The following KALRN variants were observed in gnomAD, a reference collection of about 807,000 sequenced individuals.
KALRN encodes the protein kalirin.
In KALRN, 70 loss-of-function variants were observed where a neutral mutation model predicts 353.7. The observed-to-expected ratio is 0.20, with a 90% CI of 0.16 to 0.24. The LOEUF (loss-of-function observed/expected upper bound fraction) is 0.24. Ranked by LOEUF, KALRN falls within the 10% of genes least tolerant of loss-of-function variation. The pLI is 1.00. For synonymous variants in KALRN, 1,391 were observed against 1,434.8 expected (o/e 0.97, Z 0.69); for missense variants, 2,791 against 3,756.7 (o/e 0.74, Z 6.72).
chr3:124,504,893 G>T, intron 33 of KALRN: 1 of 503,264 alleles, frequency 2.0e-6, no homozygotes, highest in Admixed American at 2.1e-5. Context: ...AAATCTGAGA[G>T]CAAGCCAAGA....
intron 10 of KALRN, among the ~76,000 whole-genome samples, chr3:124,367,546 TG>T (rs1213949640): frequency 2.5e-5 from 2 of 79,714 alleles, no homozygotes; most frequent in Non-Finnish European, 4.9e-5. Context: ...ACGGGGCGGC[TG>T]GCCGGGCAGA....
chr3:124,682,578 C>T (rs1051708836), intron 51 of KALRN, among the ~76,000 whole-genome samples: 6 of 152,184 alleles, frequency 3.9e-5, no homozygotes, highest in African/African-American at 7.2e-5. Context: ...GTCACCAAAA[C>T]ATTCTTTACT....
chr3:124,335,085 A>G (rs2080996473), intron 9 of KALRN, among the ~76,000 whole-genome samples: 1 of 152,126 alleles, frequency 6.6e-6, no homozygotes, highest in Non-Finnish European at 1.5e-5. Flanking sequence ...GATTAGGGCC[A>G]ATATGGCACA....
intron 8 of KALRN, among the ~76,000 whole-genome samples, chr3:124,331,148 T>C (rs980330709): frequency 1.3e-5 from 2 of 152,204 alleles, no homozygotes; most frequent in Non-Finnish European, 2.9e-5. Context: ...TAGGATAGTG[T>C]TGAGGTTATA....
chr3:124,261,249 T>C (rs1273772574), intron 3 of KALRN, among the ~76,000 whole-genome samples: 1 of 152,140 alleles, frequency 6.6e-6, no homozygotes, highest in African/African-American at 2.4e-5. Context: ...AGTTATGTGA[T>C]CTTAGGCAAA....
chr3:124,553,015 C>T (rs1312158202), intron 33 of KALRN, among the ~76,000 whole-genome samples: 1 of 152,208 alleles, frequency 6.6e-6, no homozygotes, highest in African/African-American at 2.4e-5. Context: ...ATCTGCCTAC[C>T]TCGGCCTCCT....
At chr3:124,230,132 A>G (rs903864279) in intron 2 of KALRN, among the ~76,000 whole-genome samples, 3 of 152,222 alleles carry the variant, frequency 2.0e-5, no homozygotes, top group Admixed American at 2.0e-4. Flanking sequence ...TGGGCTCCCA[A>G]GGATGTGGCC....
At chr3:124,243,694 A>T (rs1014777594) in intron 3 of KALRN, among the ~76,000 whole-genome samples, 1 of 152,204 alleles carries the variant, frequency 6.6e-6, no homozygotes, top group Non-Finnish European at 1.5e-5. Flanking sequence ...GTCCAGGAAG[A>T]ATGAACCCCA....
chr3:124,285,589 G>A (rs1416451597), intron 5 of KALRN, among the ~76,000 whole-genome samples: 1 of 152,188 alleles, frequency 6.6e-6, no homozygotes, highest in Admixed American at 6.5e-5. Flanking sequence ...AGGCTGGAGT[G>A]CAGTGGCATG....
At chr3:124,221,797 G>T (rs1004839115) in intron 1 of KALRN, among the ~76,000 whole-genome samples, 3 of 152,298 alleles carry the variant, frequency 2.0e-5, no homozygotes, top group African/African-American at 4.8e-5. Flanking sequence ...GTCTTCACTG[G>T]TTTTTTATCC....
chr3:124,059,543 A>G (rs1203989753), intron 1 of KALRN, among the ~76,000 whole-genome samples: 1 of 152,134 alleles, frequency 6.6e-6, no homozygotes, highest in Non-Finnish European at 1.5e-5. Flanking sequence ...TTTGACCAAC[A>G]TTTCCTTCTC....
Position 124,699,975 on chromosome 3 carries a change from C to G in KALRN, c.7938C>G (p.Asn2646Lys). 2 of 1,614,138 alleles carry G rather than the reference C, an allele frequency of 1.2e-6. No homozygotes were observed. Among genetic ancestry groups the G allele is most frequent in the Non-Finnish European group, 8.5e-7 (1 of 1,180,016 alleles). The change falls in exon 56 of 60, where the codon AAC becomes AAG. Residue 2646 changes from asparagine (N) to lysine (K), a missense_variant. Transcript: ENST00000682506. Reference sequence around the variant, plus strand: ...ATCAGTTCAGAGTCAGTGCCAGTAACCCCTGGGGAATCAGCCTTCCCAGCG... The same window carrying G: ...ATCAGTTCAGAGTCAGTGCCAGTAAGCCCTGGGGAATCAGCCTTCCCAGCG... ...CPYQFRVSASNPWGISLPSEP... is the reference protein window; with the variant it reads ...CPYQFRVSASKPWGISLPSEP...
chr3:124,547,331 C>T (rs1321721332), intron 33 of KALRN, among the ~76,000 whole-genome samples: 1 of 151,698 alleles, frequency 6.6e-6, no homozygotes, highest in African/African-American at 2.4e-5. Flanking sequence ...GTATTTTTTA[C>T]AGACAAGGTC....
chr3:124,181,165 C>G (rs1281645358), intron 1 of KALRN, among the ~76,000 whole-genome samples: 1 of 148,712 alleles, frequency 6.7e-6, no homozygotes, highest in Non-Finnish European at 1.5e-5. Flanking sequence ...ATATGAGAAT[C>G]ACTTGAACCT....
At chr3:124,658,306 CT>C in intron 41 of KALRN, 124 bp from the exon 42 acceptor site, 1 of 736,112 alleles carries the variant, frequency 1.4e-6, no homozygotes, top group Non-Finnish European at 2.4e-6. Flanking sequence ...TGATATTCAG[CT>C]GCCTTGGTGC....
At chr3:124,106,631 G>C (rs1012227278) in intron 1 of KALRN, among the ~76,000 whole-genome samples, 7 of 152,156 alleles carry the variant, frequency 4.6e-5, no homozygotes, top group Non-Finnish European at 8.8e-5. Context: ...CTGTGGAGAG[G>C]AGATGACACC....
chr3:124,590,541 T>C (rs1228788006), intron 34 of KALRN, among the ~76,000 whole-genome samples: 2 of 152,180 alleles, frequency 1.3e-5, no homozygotes, highest in Admixed American at 1.3e-4. Flanking sequence ...TCTGGAGTAG[T>C]GTTGCTGATA....
chr3:124,488,789 A>G (rs1270265072), intron 29 of KALRN: 4 of 152,522 alleles, frequency 2.6e-5, no homozygotes, highest in Non-Finnish European at 5.9e-5. Flanking sequence ...TAATATGTAT[A>G]ACATAAATTT....
intron 1 of KALRN, among the ~76,000 whole-genome samples, chr3:124,158,809 G>C (rs541850312): frequency 6.6e-6 from 1 of 152,274 alleles, no homozygotes; most frequent in South Asian, 2.1e-4. Flanking sequence ...TAAAGCTCTG[G>C]CTCTGGAGCC....
Sources: gnomAD v4.1 joint callset for allele counts (sites outside exome capture counted in the v4.1 genomes callset) on GRCh38, gnomAD v4.1.1 for gene constraint, MANE v1.5 for transcripts, NCBI Gene and HGNC (gene_info 2026-07-23, HGNC 2026-07-21) for gene names.